The following GTF2F2 variants were observed in gnomAD, a reference collection of about 807,000 sequenced individuals.
GTF2F2 encodes ATP-dependent helicase GTF2F2.
In GTF2F2, 23 loss-of-function variants were observed where a neutral mutation model predicts 42.2. That is an observed-to-expected ratio of 0.55 (90% confidence interval 0.39 to 0.77). The LOEUF is 0.77. GTF2F2 is among the 30% of genes least tolerant of loss of function. The pLI, the probability that GTF2F2 is intolerant of heterozygous loss-of-function variation, is 0.00. For synonymous variants in GTF2F2, 105 were observed against 100.8 expected (o/e 1.04, Z -0.25); for missense variants, 261 against 287.2 (o/e 0.91, Z 0.66).
chr13:45,149,659 G>C, intron 2 of GTF2F2, 111 bp from the exon 3 acceptor site: 2 of 1,107,662 alleles, frequency 1.8e-6, no homozygotes, highest in Non-Finnish European at 2.5e-6. Flanking sequence ...GTTAATCTCT[G>C]TAAATGTAAT....
intron 6 of GTF2F2, among the ~76,000 whole-genome samples, chr13:45,263,325 T>G (rs1876423620): frequency 6.6e-6 from 1 of 151,332 alleles, no homozygotes; most frequent in Non-Finnish European, 1.5e-5. Flanking sequence ...CCTCCCAAGG[T>G]TCACACCATT....
intron 4 of GTF2F2, among the ~76,000 whole-genome samples, chr13:45,153,349 T>C (rs894486268): frequency 3.3e-5 from 5 of 152,112 alleles, no homozygotes; most frequent in African/African-American, 1.2e-4. Flanking sequence ...AGATTACCAA[T>C]AGCTACATAA....
At chr13:45,199,378 TC>T (rs2138180479) in intron 4 of GTF2F2, among the ~76,000 whole-genome samples, 1 of 152,364 alleles carries the variant, frequency 6.6e-6, no homozygotes, top group Admixed American at 6.5e-5. Flanking sequence ...TCTTTGATTT[TC>T]ACTACAGAGG....
At chr13:45,195,381 C>T (rs1418251998) in intron 4 of GTF2F2, among the ~76,000 whole-genome samples, 2 of 151,920 alleles carry the variant, frequency 1.3e-5, no homozygotes, top group African/African-American at 4.8e-5. Flanking sequence ...TCACTCGGAG[C>T]CTGCTTCTGT....
At chr13:45,132,346 G>A (rs1031611767) in intron 1 of GTF2F2, among the ~76,000 whole-genome samples, 3 of 152,038 alleles carry the variant, frequency 2.0e-5, no homozygotes, top group Non-Finnish European at 4.4e-5. Context: ...CCAAGCTTAC[G>A]TGGTTGGTAG....
chr13:45,275,598 C>T (rs1876999813), intron 7 of GTF2F2, among the ~76,000 whole-genome samples: 1 of 151,960 alleles, frequency 6.6e-6, no homozygotes, highest in Admixed American at 6.6e-5. Context: ...TGATGGTTTC[C>T]AGCTTCATCC....
intron 6 of GTF2F2, among the ~76,000 whole-genome samples, chr13:45,259,234 C>G (rs982737291): frequency 6.6e-6 from 1 of 152,132 alleles, no homozygotes; most frequent in African/African-American, 2.4e-5. Flanking sequence ...CGAGACCAGC[C>G]TGACCAACCT....
chr13:45,234,821 G>A (rs1016799645), intron 5 of GTF2F2, among the ~76,000 whole-genome samples: 11 of 152,012 alleles, frequency 7.2e-5, no homozygotes, highest in South Asian at 2.1e-4. Flanking sequence ...CAAGGCAGGC[G>A]AATCACCTGA....
chr13:45,144,215 T>G (rs1464419236), intron 2 of GTF2F2, among the ~76,000 whole-genome samples: 1 of 152,026 alleles, frequency 6.6e-6, no homozygotes, highest in Non-Finnish European at 1.5e-5. Context: ...ACCTCACCAT[T>G]GCACTCCAGC....
chr13:45,206,601 G>C (rs1306881731), intron 4 of GTF2F2: 2 of 152,006 alleles, frequency 1.3e-5, no homozygotes, highest in Non-Finnish European at 2.9e-5. Flanking sequence ...ACATTTCCAG[G>C]GTATAAAGCT....
chr13:45,191,224 A>AAAAAAAAAAGATATATATATATAT, intron 4 of GTF2F2, among the ~76,000 whole-genome samples: 1 of 75,346 alleles, frequency 1.3e-5, no homozygotes, highest in African/African-American at 1.0e-4. Context: ...ACAAAAAAAA[A>AAAAAAAAAAGATATATATATATAT]ATATATATAT....
intron 6 of GTF2F2, among the ~76,000 whole-genome samples, chr13:45,264,757 C>T (rs1876494827): frequency 6.6e-6 from 1 of 152,178 alleles, no homozygotes; most frequent in Non-Finnish European, 1.5e-5. Context: ...TGGGTTGGGA[C>T]AACTTGATAA....
In GTF2F2 at chr13:45,273,050, C is replaced by T. The variant is rs908504135; in HGVS notation, c.630+5674C>T. 3.3e-5 allele frequency among the ~76,000 whole-genome samples: 5 copies of T among 150,838 alleles called. No homozygotes were observed. In the East Asian group the frequency reaches 8.0e-4, roughly 24 times the overall value. Reference sequence around the variant, plus strand: ...CAAGCAGTTCTCTGCCTCAGCCTCCCGAGTAGCTGGAATTACGGGCGCCCG... The same window carrying T: ...CAAGCAGTTCTCTGCCTCAGCCTCCTGAGTAGCTGGAATTACGGGCGCCCG... On this transcript the variant is annotated intron_variant, in intron 7 of 7. Coordinates refer to ENST00000340473, the MANE Select transcript of GTF2F2 (RefSeq NM_004128.3).
intron 7 of GTF2F2, among the ~76,000 whole-genome samples, chr13:45,270,960 C>G (rs926541376): frequency 1.3e-5 from 2 of 152,120 alleles, no homozygotes; most frequent in East Asian, 3.9e-4. Flanking sequence ...ACCAGTGTTC[C>G]TGTACAGCAT....
At chr13:45,235,455 A>G (rs1874918388) in intron 5 of GTF2F2, among the ~76,000 whole-genome samples, 2 of 151,446 alleles carry the variant, frequency 1.3e-5, no homozygotes, top group Non-Finnish European at 2.9e-5. Context: ...TTAAGGACAT[A>G]TGTAGTGGGA....
intron 6 of GTF2F2, among the ~76,000 whole-genome samples, chr13:45,257,537 G>T (rs1192499235): frequency 6.6e-6 from 1 of 152,072 alleles, no homozygotes; most frequent in Non-Finnish European, 1.5e-5. Flanking sequence ...TAAGCTTTAG[G>T]AATTTGTTTA....
chr13:45,238,454 C>T (rs1481798781), intron 5 of GTF2F2, among the ~76,000 whole-genome samples: 2 of 152,034 alleles, frequency 1.3e-5, no homozygotes, highest in South Asian at 2.1e-4. Flanking sequence ...GTCTAGAGTG[C>T]GTGATTAACA....
At chr13:45,237,209 T>C (rs147861061) in intron 5 of GTF2F2, among the ~76,000 whole-genome samples, 2,013 of 152,320 alleles carry the variant, frequency 0.013, 29 homozygotes, top group South Asian at 0.033. Context: ...TAATTGATTA[T>C]AATTAGCACT....
chr13:45,249,484 A>T (rs1216003902), intron 5 of GTF2F2, among the ~76,000 whole-genome samples: 1 of 152,242 alleles, frequency 6.6e-6, no homozygotes, highest in Non-Finnish European at 1.5e-5. Flanking sequence ...GAATTGTAGA[A>T]TTAAAATTGA....
Sources: gnomAD v4.1 joint callset for allele counts (sites outside exome capture counted in the v4.1 genomes callset) on GRCh38, gnomAD v4.1.1 for gene constraint, MANE v1.5 for transcripts, NCBI Gene and HGNC (gene_info 2026-07-23, HGNC 2026-07-21) for gene names.